The following CCDC38 variants were observed in gnomAD, a reference collection of about 807,000 sequenced individuals.
CCDC38 encodes coiled-coil domain-containing protein 38.
In CCDC38, 69 loss-of-function variants were observed where a neutral mutation model predicts 72.8. The observed-to-expected ratio is 0.95, with a 90% CI of 0.78 to 1.16. The LOEUF is 1.16. Among genes scored for constraint, CCDC38 ranks in the 50% most tolerant of loss-of-function variants. The pLI, the probability that CCDC38 is intolerant of heterozygous loss-of-function variation, is 0.00. For missense variants in CCDC38, 626 were observed against 638.9 expected, an observed-to-expected ratio of 0.98 and a Z score of 0.22; for synonymous variants, 201 against 213.2, an observed-to-expected ratio of 0.94 and a Z score of 0.50.
intron 15 of CCDC38, 55 bp from the exon 16 acceptor site, chr12:95,867,244 A>G (rs1592747750): frequency 2.1e-6 from 2 of 948,522 alleles, no homozygotes; most frequent in Admixed American, 2.2e-5. Context: ...GCCATTTTCT[A>G]TTGAAATTTG....
chr12:95,908,477 G>T (rs1168852322), intron 4 of CCDC38, among the ~76,000 whole-genome samples: 2 of 10 alleles, frequency 0.2, no homozygotes, highest in Non-Finnish European at 0.33. Flanking sequence ...GAGAGGGAGA[G>T]GGAGAGGGAG....
chr12:95,872,561 A>G (rs2079592929), intron 13 of CCDC38, 101 bp from the exon 14 acceptor site: 2 of 749,272 alleles, frequency 2.7e-6, no homozygotes. Context: ...ATGCTATTAA[A>G]TGTTTACATT....
intron 9 of CCDC38, among the ~76,000 whole-genome samples, chr12:95,888,894 TG>T (rs1172235351): frequency 3.3e-5 from 5 of 151,866 alleles, no homozygotes; most frequent in Non-Finnish European, 7.4e-5. Flanking sequence ...TTTGTGTACG[TG>T]GGGTCTTGAA....
chr12:95,874,472 T>C (rs1326625123), intron 13 of CCDC38, among the ~76,000 whole-genome samples: 1 of 152,068 alleles, frequency 6.6e-6, no homozygotes, highest in African/African-American at 2.4e-5. Flanking sequence ...TTTCTTAATA[T>C]AACAAGGTAA....
chr12:95,924,616 C>T (rs371463645), intron 2 of CCDC38, among the ~76,000 whole-genome samples: 11 of 150,686 alleles, frequency 7.3e-5, no homozygotes, highest in African/African-American at 1.9e-4. Context: ...TCCTTGCCCA[C>T]GCCTATGTCC....
chr12:95,879,900 G>A lies in CCDC38; in HGVS notation c.991-105C>T, dbSNP rs1388117082. On this transcript the variant is annotated intron_variant, in intron 11 of 15. Transcript: ENST00000344280. The surrounding 1 kb of genome is among the most constrained non-coding windows in gnomAD (Gnocchi z 5.5). ...TGGGGTAAAGGAAGACAGTTCTAAG[G>A]ATGAGGGAGACACAGGTAGGAACTT... 12 of 807,742 alleles carry A rather than the reference G, an allele frequency of 1.5e-5. No homozygotes were observed. Among genetic ancestry groups the A allele is most frequent in the African/African-American group, 3.4e-5 (2 of 58,022 alleles). 50.0% of individuals were successfully genotyped at this position (807,742 alleles called of 1,614,324 possible). A position where few individuals can be genotyped will look rare whatever the true frequency, so the allele number is the denominator to read the frequency against.
Position 95,917,172 on chromosome 12 carries a change from T to C in CCDC38, c.261A>G (p.Glu87=), listed in dbSNP as rs763619786. The C allele has an allele frequency of 6.2e-7, 1 of 1,604,846 alleles. No homozygotes were observed. The highest frequency in any genetic ancestry group is 8.5e-7 in the Non-Finnish European group (1 of 1,178,188). ...TCGGAGCAGGACCTGGCCCAAACTT[T>C]TCAAATGACCTACCACTCCTTTTAG... ...FYPKRSGRSF[E]KFGPGPAPIP... The change falls in exon 4 of 16, where the codon GAA becomes GAG. Residue 87 remains glutamate, a synonymous_variant. Coordinates refer to ENST00000344280, the MANE Select transcript of CCDC38 (RefSeq NM_182496.3).
chr12:95,871,621 G>C (rs1242260298), intron 14 of CCDC38, among the ~76,000 whole-genome samples: 1 of 152,196 alleles, frequency 6.6e-6, no homozygotes, highest in African/African-American at 2.4e-5. Context: ...GTAAGCATGT[G>C]GGGGATGGGT....
At chr12:95,929,280 C>T (rs201741726) in intron 2 of CCDC38, among the ~76,000 whole-genome samples, 18 of 152,088 alleles carry the variant, frequency 1.2e-4, no homozygotes, top group Non-Finnish European at 1.6e-4. Context: ...GCGCAGTATT[C>T]GGGTGGGAGT....
chr12:95,875,780 A>G (rs893339557), intron 13 of CCDC38, among the ~76,000 whole-genome samples: 1 of 152,166 alleles, frequency 6.6e-6, no homozygotes, highest in African/African-American at 2.4e-5. Context: ...CCAAATTTAC[A>G]CTTGTGATCA....
intron 2 of CCDC38, among the ~76,000 whole-genome samples, chr12:95,931,529 C>T (rs531189191): frequency 2.2e-4 from 33 of 152,172 alleles, no homozygotes; most frequent in Admixed American, 8.5e-4. Context: ...TACTGACACT[C>T]TATTTGTCTT....
At chr12:95,916,562 T>C (rs1297691313) in intron 4 of CCDC38, among the ~76,000 whole-genome samples, 2 of 152,080 alleles carry the variant, frequency 1.3e-5, no homozygotes, top group Non-Finnish European at 2.9e-5. Flanking sequence ...CTATAGGCAC[T>C]ACTTGGTTTG....
At position 95,890,824 on chromosome 12, in the gene CCDC38, A is replaced by G. The variant is rs1008194900; in HGVS notation, c.871+8T>C. On this transcript the variant is annotated splice_region_variant and intron_variant, in intron 9 of 15. Transcript: ENST00000344280. ...TTTTACTTTCATGAGTCCCAAATCT[A>G]CCTTTACCTTGGCTGTCTCTTCCCT... 8.3e-6 allele frequency: 13 copies of G among 1,558,428 alleles called. No homozygotes were observed. Among genetic ancestry groups the G allele is most frequent in the Admixed American group, 1.7e-5 (1 of 59,334 alleles).
intron 7 of CCDC38, among the ~76,000 whole-genome samples, chr12:95,897,081 T>C (rs1565951679): frequency 1.3e-5 from 2 of 152,182 alleles, no homozygotes; most frequent in Non-Finnish European, 2.9e-5. Flanking sequence ...GAATATGAAA[T>C]GCACATTCTG....
At chr12:95,927,485 T>A (rs1187982406) in intron 2 of CCDC38, among the ~76,000 whole-genome samples, 1 of 151,250 alleles carries the variant, frequency 6.6e-6, no homozygotes, top group African/African-American at 2.4e-5. Flanking sequence ...GTCTTGACTC[T>A]TTATCCAATT....
intron 1 of CCDC38, among the ~76,000 whole-genome samples, chr12:95,938,643 C>A (rs143785367): frequency 6.6e-6 from 1 of 152,186 alleles, no homozygotes; most frequent in African/African-American, 2.4e-5. Context: ...TACTTCTATA[C>A]TTCCATATGC....
chr12:95,893,407 TTCCCTCCCTCCCTCCCTCCC>T (rs71091218), intron 8 of CCDC38, among the ~76,000 whole-genome samples: 127 of 85,250 alleles, frequency 1.5e-3, no homozygotes, highest in Non-Finnish European at 2.5e-3. Context: ...CTTATCTTCC[TTCCCTCCCTCCCTCCCTCCC>T]TCCCTCCCTC....
chr12:95,905,120 C>T (rs1185074164), intron 5 of CCDC38, among the ~76,000 whole-genome samples: 1 of 152,118 alleles, frequency 6.6e-6, no homozygotes, highest in Non-Finnish European at 1.5e-5. Context: ...AATGTAAATG[C>T]TATATATAAA....
At chr12:95,895,674 AC>A (rs1206041163) in intron 7 of CCDC38, among the ~76,000 whole-genome samples, 3 of 144,756 alleles carry the variant, frequency 2.1e-5, no homozygotes, top group Non-Finnish European at 4.5e-5. Context: ...AATCGCTTGA[AC>A]CCGGATGGCA....
Sources: allele counts gnomAD v4.1 joint callset (sites outside exome capture counted in the v4.1 genomes callset), GRCh38; gene constraint gnomAD v4.1.1; non-coding constraint Gnocchi (gnomAD v3.1); transcripts MANE v1.5; gene names NCBI Gene and HGNC (gene_info 2026-07-23, HGNC 2026-07-21).